Variants in EDN3 observed in about 807,000 individuals in gnomAD.
EDN3 encodes endothelin-3.
A neutral mutation model predicts 21.4 loss-of-function variants in EDN3; 9 were observed. The observed-to-expected ratio is 0.42, with a 90% CI of 0.25 to 0.73. EDN3 has a LOEUF of 0.73. Among genes scored for constraint, EDN3 ranks in the 30% least tolerant of loss-of-function variants. The pLI is 0.26. For missense variants in EDN3, 327 were observed against 309.4 expected, an observed-to-expected ratio of 1.06 and a Z score of -0.43; for synonymous variants, 133 against 126.2, an observed-to-expected ratio of 1.05 and a Z score of -0.36.
intron 2 of EDN3, among the ~76,000 whole-genome samples, chr20:59,302,932 G>A (rs1454906048): frequency 1.3e-5 from 2 of 152,166 alleles, no homozygotes; most frequent in African/African-American, 4.8e-5. Context: ...GCAGACGAGG[G>A]TAGTAAACCT....
Position 59,300,713 on chromosome 20 carries a change from C to A in EDN3, c.-100C>A. 1 of 1,318,772 alleles carries A rather than the reference C, an allele frequency of 7.6e-7. No homozygotes were observed. Among genetic ancestry groups the A allele is most frequent in the Admixed American group, 2.0e-5 (1 of 49,612 alleles). The allele number at this position is 1,318,772 out of a possible 1,614,324, so 81.7% of individuals were successfully genotyped here. A position where few individuals can be genotyped will look rare whatever the true frequency, so the allele number is the denominator to read the frequency against. On this transcript the variant is annotated 5_prime_UTR_variant, in exon 1 of 5. Coordinates refer to ENST00000337938, the MANE Select transcript of EDN3 (RefSeq NM_207034.3). ...GCGATCGGCCGGCCTCGAACCCCCA[C>A]AGCTGGAGGGCGAGGCCAGCTGTAC... is the stretch of plus-strand genomic sequence containing the variant.
intron 2 of EDN3, among the ~76,000 whole-genome samples, chr20:59,318,577 A>G (rs1990335528): frequency 6.6e-6 from 1 of 152,126 alleles, no homozygotes; most frequent in Non-Finnish European, 1.5e-5. Context: ...CGGTCAGCAG[A>G]CTGCACACCC....
At chr20:59,316,066 G>A (rs1990159778) in intron 2 of EDN3, among the ~76,000 whole-genome samples, 1 of 152,114 alleles carries the variant, frequency 6.6e-6, no homozygotes. Flanking sequence ...TGTGCCTGTA[G>A]TCCCAGCTGC....
At position 59,300,821 on chromosome 20, in the gene EDN3, G is replaced by C. The variant is rs1310752559; in HGVS notation, c.9G>C (p.Pro3=). ...GCGCCTGATCTAGGTTCATGGAGCC[G>C]GGGCTGTGGCTCCTTTTCGGGCTCA... ME[P]GLWLLFGLTV... The change falls in exon 1 of 5, where the codon CCG becomes CCC. Residue 3 remains proline, a synonymous_variant. Coordinates refer to ENST00000337938, the MANE Select transcript of EDN3 (RefSeq NM_207034.3). The C allele has an allele frequency of 6.2e-7, 1 of 1,611,010 alleles. No individual in the cohort carries two copies. The highest frequency in any genetic ancestry group is 1.3e-5 in the African/African-American group (1 of 74,870).
intron 2 of EDN3, among the ~76,000 whole-genome samples, chr20:59,307,823 C>T (rs373274387): frequency 1.5e-3 from 227 of 151,542 alleles, no homozygotes; most frequent in African/African-American, 5.2e-3. Context: ...ACCACAGGTG[C>T]GTGTCACCAT....
chr20:59,312,709 T>C (rs1306824027), intron 2 of EDN3, among the ~76,000 whole-genome samples: 1 of 152,176 alleles, frequency 6.6e-6, no homozygotes, highest in Non-Finnish European at 1.5e-5. Flanking sequence ...GTGTTAGCGC[T>C]GGGGCAAAGG....
At chr20:59,308,775 G>C (rs1989597859) in intron 2 of EDN3, among the ~76,000 whole-genome samples, 1 of 152,174 alleles carries the variant, frequency 6.6e-6, no homozygotes, top group African/African-American at 2.4e-5. Flanking sequence ...GCCAAAACCA[G>C]TCCTCCTGCC....
Position 59,300,781 on chromosome 20 carries a change from T to G in EDN3, c.-32T>G. 1 of 1,602,720 alleles carries G rather than the reference T, an allele frequency of 6.2e-7. No individual in the cohort carries two copies. The highest frequency in any genetic ancestry group is 8.5e-7 in the Non-Finnish European group (1 of 1,176,062). On this transcript the variant is annotated 5_prime_UTR_variant, in exon 1 of 5. Transcript: ENST00000337938. The stretch of plus-strand genomic sequence containing the variant: ...TCGCGGCCACAAGCGGCCGTCCTCC[T>G]GGTCCGGTGCTCCGGCGCCTGATCT...
chr20:59,306,950 G>A (rs1349965502), intron 2 of EDN3, among the ~76,000 whole-genome samples: 3 of 152,266 alleles, frequency 2.0e-5, no homozygotes, highest in African/African-American at 4.8e-5. Flanking sequence ...TTTGAGATGA[G>A]CCTGGCCAAC....
At chr20:59,301,744 AG>A in intron 2 of EDN3, 22 bp downstream of exon 2, 3 of 1,613,572 alleles carry the variant, frequency 1.9e-6, no homozygotes, top group Non-Finnish European at 2.5e-6. Context: ...TTTTGTGGTG[AG>A]GAACGTGGCT....
rs1270751626 is a variant in EDN3, at chr20:59,325,395, T to C, written c.*936T>C. On this transcript the variant is annotated 3_prime_UTR_variant, in exon 5 of 5. Coordinates refer to ENST00000337938, the MANE Select transcript of EDN3 (RefSeq NM_207034.3). ...ATACCGTCTGACAGTTCAAAATCTC[T>C]TTCAGCTGCGCTCTTCCCACCGAGC... The C allele has an allele frequency of 6.6e-6, 1 of 152,494 alleles. No homozygotes were observed. Among genetic ancestry groups the C allele is most frequent in the South Asian group, 2.1e-4 (1 of 4,832 alleles). The allele number at this position is 152,494 out of a possible 1,614,324, so 9.4% of individuals were successfully genotyped here. A position where few individuals can be genotyped will look rare whatever the true frequency, so the allele number is the denominator to read the frequency against.
chr20:59,317,791 T>C (rs1990278826), intron 2 of EDN3, among the ~76,000 whole-genome samples: 1 of 152,242 alleles, frequency 6.6e-6, no homozygotes, highest in Admixed American at 6.5e-5. Context: ...GAATCCTGTC[T>C]CGCCAGACTA....
rs11475273 is a variant in EDN3, at chr20:59,324,598, ACC to A, written c.*148_*149del. 22,152 of 865,140 alleles carry A rather than the reference ACC, an allele frequency of 0.026. 320 individuals are homozygous for A. Among genetic ancestry groups the A allele is most frequent in the Non-Finnish European group, 0.029 (17,275 of 589,968 alleles). The allele number at this position is 865,140 out of a possible 1,614,324, so 53.6% of individuals were successfully genotyped here. On this transcript the variant is annotated 3_prime_UTR_variant, in exon 5 of 5. Coordinates refer to ENST00000337938, the MANE Select transcript of EDN3 (RefSeq NM_207034.3). ...ACCCAAAGAGTCCCCACTTAACAAT[ACC>A]CCCCCCCCACGGCAAGAATGCCCAA... is the stretch of plus-strand genomic sequence containing the variant.
chr20:59,324,561 G>A lies in EDN3; in HGVS notation c.*102G>A. On this transcript the variant is annotated 3_prime_UTR_variant, in exon 5 of 5. Coordinates refer to ENST00000337938, the MANE Select transcript of EDN3 (RefSeq NM_207034.3). ...ATAGACAAGAAGTGAATTTGCCTGGGGCAGAACACCCACCCAAAGAGTCCC... is the reference window on the plus strand; with the variant it reads ...ATAGACAAGAAGTGAATTTGCCTGGAGCAGAACACCCACCCAAAGAGTCCC... 1 of 1,557,052 alleles carries A rather than the reference G, an allele frequency of 6.4e-7. No homozygotes were observed. Among genetic ancestry groups the A allele is most frequent in the Non-Finnish European group, 8.8e-7 (1 of 1,136,714 alleles).
rs762298766 is a variant in EDN3 at position 59,305,519 on chromosome 20, T to C, written c.365+3797T>C. On this transcript the variant is annotated intron_variant, in intron 2 of 4. Coordinates refer to ENST00000337938, the MANE Select transcript of EDN3 (RefSeq NM_207034.3). The surrounding 1 kb of genome is among the most constrained non-coding windows in gnomAD (Gnocchi z 4.2). ...GATTATGCATATATCAGAAGTGCGG[T>C]TGCCAAAGGAAATATTTGGTTGCTC... Among the ~76,000 whole-genome samples, 1 of 152,168 alleles carries C rather than the reference T, an allele frequency of 6.6e-6. No individual in the cohort carries two copies. Among genetic ancestry groups the C allele is most frequent in the Non-Finnish European group, 1.5e-5 (1 of 68,026 alleles).
chr20:59,312,173 G>C (rs969135003), intron 2 of EDN3, among the ~76,000 whole-genome samples: 2 of 152,088 alleles, frequency 1.3e-5, no homozygotes, highest in African/African-American at 4.8e-5. Flanking sequence ...AATGAGGCTG[G>C]GCCAGGCAGC....
chr20:59,324,960 A>G lies in EDN3; in HGVS notation c.*501A>G. 1 of 166,382 alleles carries G rather than the reference A, an allele frequency of 6.0e-6. No individual in the cohort carries two copies. Among genetic ancestry groups the G allele is most frequent in the Non-Finnish European group, 1.3e-5 (1 of 75,584 alleles). The allele number at this position is 166,382 out of a possible 1,614,324, so 10.3% of individuals were successfully genotyped here. On this transcript the variant is annotated 3_prime_UTR_variant, in exon 5 of 5. Coordinates refer to ENST00000337938, the MANE Select transcript of EDN3 (RefSeq NM_207034.3). The stretch of plus-strand genomic sequence containing the variant: ...GGCTTTAGACACAGATCATAGCTCT[A>G]CAGGAGTTTATGAATTTGAAGCTTA...
At chr20:59,301,187 A>T (rs1988987631) in intron 1 of EDN3, among the ~76,000 whole-genome samples, 1 of 152,270 alleles carries the variant, frequency 6.6e-6, no homozygotes, top group Non-Finnish European at 1.5e-5. Context: ...CAAAGTTTGC[A>T]GAAAGTATGC....
intron 3 of EDN3, 30 bp downstream of exon 3, chr20:59,321,223 T>C: frequency 1.2e-6 from 2 of 1,612,964 alleles, no homozygotes; most frequent in Non-Finnish European, 1.7e-6. Context: ...TTCACTCATT[T>C]GCAGATATGC....
Sources: allele counts gnomAD v4.1 joint callset (sites outside exome capture counted in the v4.1 genomes callset), GRCh38; gene constraint gnomAD v4.1.1; non-coding constraint Gnocchi (gnomAD v3.1); transcripts MANE v1.5; gene names NCBI Gene and HGNC (gene_info 2026-07-23, HGNC 2026-07-21).